Variants in TMPRSS11F observed in about 807,000 individuals in gnomAD.
TMPRSS11F encodes the protein transmembrane serine protease 11F.
A neutral mutation model predicts 60.2 loss-of-function variants in TMPRSS11F; 47 were observed. The ratio of observed to expected loss-of-function variants is 0.78; its 90% CI spans 0.62 to 1.00. TMPRSS11F has a LOEUF of 1.00. TMPRSS11F is among the 50% of genes least tolerant of loss of function. TMPRSS11F has a pLI of 0.00. For synonymous variants in TMPRSS11F, 166 were observed against 167.3 expected (o/e 0.99, Z 0.06); for missense variants, 519 against 522.9 (o/e 0.99, Z 0.07).
chr4:68,121,693 AT>A (rs1724627890), intron 1 of TMPRSS11F, among the ~76,000 whole-genome samples: 1 of 152,208 alleles, frequency 6.6e-6, no homozygotes, highest in Non-Finnish European at 1.5e-5. Context: ...AAATATTTGT[AT>A]TTCAGTGGTA....
At chr4:68,073,819 G>T in intron 4 of TMPRSS11F, 123 bp downstream of exon 4, 1 of 611,124 alleles carries the variant, frequency 1.6e-6, no homozygotes. Flanking sequence ...ACCTTGGGCT[G>T]CTCAAGATTT....
chr4:68,110,518 G>A (rs78632741), intron 1 of TMPRSS11F, among the ~76,000 whole-genome samples: 258 of 152,250 alleles, frequency 1.7e-3, no homozygotes, highest in African/African-American at 5.8e-3. Flanking sequence ...TAACATACTA[G>A]TTAGAAGCCC....
intron 2 of TMPRSS11F, among the ~76,000 whole-genome samples, chr4:68,092,785 A>G (rs774713211): frequency 2.0e-5 from 3 of 152,210 alleles, no homozygotes; most frequent in African/African-American, 7.2e-5. Context: ...ATTATCATAT[A>G]CATATCCCTA....
chr4:68,092,471 G>A (rs1723963921), intron 2 of TMPRSS11F, among the ~76,000 whole-genome samples: 1 of 152,114 alleles, frequency 6.6e-6, no homozygotes, highest in South Asian at 2.1e-4. Flanking sequence ...AAAATGAGAT[G>A]TCAAGAAATA....
rs79306129 is a variant in TMPRSS11F, at chr4:68,124,916, A to C, written c.11+4894T>G. Among the ~76,000 whole-genome samples, 948 of 136,868 alleles carry C rather than the reference A, an allele frequency of 6.9e-3. 4 individuals carry two copies. Among genetic ancestry groups the C allele is most frequent in the Non-Finnish European group, 0.011 (702 of 63,842 alleles). 89.8% of individuals were successfully genotyped at this position (136,868 alleles called of 152,430 possible). A position where few individuals can be genotyped will look rare whatever the true frequency, so the allele number is the denominator to read the frequency against. On this transcript the variant is annotated intron_variant, in intron 1 of 9. Coordinates refer to ENST00000356291, the MANE Select transcript of TMPRSS11F (RefSeq NM_207407.2). Reference sequence around the variant, plus strand: ...ACCTGTTGGAATGTGTCTTCAAAGTAGTTTGACATTCTAAGTATCTAAACC... The same window carrying C: ...ACCTGTTGGAATGTGTCTTCAAAGTCGTTTGACATTCTAAGTATCTAAACC...
intron 1 of TMPRSS11F, among the ~76,000 whole-genome samples, chr4:68,116,205 C>A (rs570838338): frequency 6.6e-6 from 1 of 151,900 alleles, no homozygotes; most frequent in Admixed American, 6.6e-5. Context: ...GAAATATACA[C>A]GTATTAGAAT....
In TMPRSS11F at chr4:68,053,453, C is replaced by T. The variant is rs1424084665; in HGVS notation, c.*456G>A. The T allele has an allele frequency of 6.5e-6, 1 of 153,284 alleles. No homozygotes were observed. The highest frequency in any genetic ancestry group is 2.4e-5 in the African/African-American group (1 of 41,476). The allele number at this position is 153,284 out of a possible 1,614,324, so 9.5% of individuals were successfully genotyped here. ...AATCCCATGCTTCTCCATTCTTGCA[C>T]ACTGAAGGTCCACTTATCAGTTCTA... On this transcript the variant is annotated 3_prime_UTR_variant, in exon 10 of 10. Transcript: ENST00000356291.
chr4:68,099,089 C>T (rs755342578), intron 1 of TMPRSS11F, 51 bp from the exon 2 acceptor site: 6 of 1,493,622 alleles, frequency 4.0e-6, no homozygotes, highest in Admixed American at 1.8e-5. Context: ...TATAGTTCAA[C>T]TTTATGTTTA....
intron 8 of TMPRSS11F, chr4:68,062,920 A>G: frequency 2.5e-6 from 2 of 789,664 alleles, no homozygotes; most frequent in African/African-American, 1.7e-5. Flanking sequence ...ATAGTCTCCC[A>G]TTTGTGGCAT....
rs531375894 is a variant in TMPRSS11F, at chr4:68,090,518, C to T, written c.282+5G>A. On this transcript the variant is annotated splice_donor_5th_base_variant and intron_variant, in intron 3 of 9. Coordinates refer to ENST00000356291, the MANE Select transcript of TMPRSS11F (RefSeq NM_207407.2). ...ATAAACATTTAAAATTTCTGTTGAG[C>T]TTACCATTCTTTCAATCTGATGACT... 2.5e-6 allele frequency: 4 copies of T among 1,578,546 alleles called. No homozygotes were observed. In the Admixed American group the frequency reaches 7.9e-5, roughly 31 times the overall value.
intron 3 of TMPRSS11F, among the ~76,000 whole-genome samples, chr4:68,084,450 C>A (rs189486654): frequency 1.2e-4 from 18 of 152,110 alleles, no homozygotes; most frequent in Non-Finnish European, 1.9e-4. Context: ...TAAGTGGAAC[C>A]TAATCAGGCC....
rs201538413 is a variant in TMPRSS11F, at chr4:68,062,606, G to T, written c.1015+2079C>A. The T allele has an allele frequency of 6.4e-4, 550 of 858,318 alleles. 3 individuals are homozygous for T. Among genetic ancestry groups the T allele is most frequent in the Admixed American group, 2.4e-4 (14 of 58,148 alleles). The allele number at this position is 858,318 out of a possible 1,614,324, so 53.2% of individuals were successfully genotyped here. ...CCGTCCTTTTGACTCTTTCATTTCA[G>T]TCCAGTGATTGAGTTCTTCTCCAGA... On this transcript the variant is annotated intron_variant, in intron 8 of 9. Transcript: ENST00000356291.
At chr4:68,072,517 A>T (rs774426648) in intron 4 of TMPRSS11F, 31 bp from the exon 5 acceptor site, 20 of 1,437,492 alleles carry the variant, frequency 1.4e-5, no homozygotes, top group African/African-American at 4.3e-5. Flanking sequence ...TAAAAATGGC[A>T]TTTATCTAAT....
intron 3 of TMPRSS11F, among the ~76,000 whole-genome samples, chr4:68,087,006 C>T (rs1295423702): frequency 6.6e-6 from 1 of 152,016 alleles, no homozygotes; most frequent in African/African-American, 2.4e-5. Flanking sequence ...GAAAGCAGTC[C>T]TCCCTAATTC....
At chr4:68,129,615 T>C (rs1299206170) in intron 1 of TMPRSS11F, among the ~76,000 whole-genome samples, 195 bp downstream of exon 1, 1 of 152,038 alleles carries the variant, frequency 6.6e-6, no homozygotes, top group Admixed American at 6.6e-5. Context: ...AACACCACAT[T>C]GGCCTCTGTT....
At chr4:68,115,876 A>T (rs1397183352) in intron 1 of TMPRSS11F, among the ~76,000 whole-genome samples, 1 of 152,212 alleles carries the variant, frequency 6.6e-6, no homozygotes, top group Non-Finnish European at 1.5e-5. Flanking sequence ...AACCTTAAAA[A>T]TTGAGAGAGA....
At chr4:68,088,894 G>A (rs1036456392) in intron 3 of TMPRSS11F, among the ~76,000 whole-genome samples, 2 of 152,094 alleles carry the variant, frequency 1.3e-5, no homozygotes, top group African/African-American at 4.8e-5. Flanking sequence ...ACTGCTGAAA[G>A]AAATCAGAGA....
At chr4:68,103,867 C>CAGTGAAA (rs1724244427) in intron 1 of TMPRSS11F, among the ~76,000 whole-genome samples, 22 of 151,980 alleles carry the variant, frequency 1.4e-4, no homozygotes, top group Admixed American at 1.1e-3. Flanking sequence ...CTTTCACTTC[C>CAGTGAAA]TTGGTTAAAT....
At chr4:68,085,005 A>C (rs1723784305) in intron 3 of TMPRSS11F, among the ~76,000 whole-genome samples, 1 of 130,596 alleles carries the variant, frequency 7.7e-6, no homozygotes, top group African/African-American at 2.9e-5. Context: ...TGTTCTTGCG[A>C]TAGTTTACTG....
Sources: gnomAD v4.1 joint callset for allele counts (sites outside exome capture counted in the v4.1 genomes callset) on GRCh38, gnomAD v4.1.1 for gene constraint, MANE v1.5 for transcripts, NCBI Gene and HGNC (gene_info 2026-07-23, HGNC 2026-07-21) for gene names.